Variants in PARD3B observed in about 807,000 individuals in gnomAD.
PARD3B encodes the protein partitioning defective 3 homolog B.
In PARD3B, 103 loss-of-function variants were observed where a neutral mutation model predicts 130.2. That is an observed-to-expected ratio of 0.79 (90% confidence interval 0.67 to 0.93). PARD3B has a LOEUF of 0.93. Among genes scored for constraint, PARD3B ranks in the 40% least tolerant of loss-of-function variants. The pLI is 0.00. For synonymous variants in PARD3B, 583 were observed against 553.2 expected (o/e 1.05, Z -0.76); for missense variants, 1,609 against 1,499.2 (o/e 1.07, Z -1.21).
rs115020334 is a variant in PARD3B at position 204,947,356 on chromosome 2, G to A, written c.223-17796G>A. On this transcript the variant is annotated intron_variant, in intron 2 of 22. Coordinates refer to ENST00000406610, the MANE Select transcript of PARD3B (RefSeq NM_001302769.2). ...TTTATTCATGGAGTAAGTGTAGAGT[G>A]AAAAGAACTCTACATATTCTAGTTA... Among the ~76,000 whole-genome samples, 481 of 152,258 alleles carry A rather than the reference G, an allele frequency of 3.2e-3. 5 individuals are homozygous for A. Among genetic ancestry groups the A allele is most frequent in the African/African-American group, 0.011 (449 of 41,544 alleles).
intron 2 of PARD3B, among the ~76,000 whole-genome samples, chr2:204,913,173 A>G (rs2047310094): frequency 6.6e-6 from 1 of 152,230 alleles, no homozygotes; most frequent in Admixed American, 6.5e-5. Context: ...GTGGTAGTTT[A>G]TAGACTGGTT....
intron 3 of PARD3B, among the ~76,000 whole-genome samples, chr2:204,976,829 C>G (rs186066709): frequency 6.6e-6 from 1 of 151,806 alleles, no homozygotes; most frequent in Non-Finnish European, 1.5e-5. Flanking sequence ...AGGCTGGTCT[C>G]GAACTCCTGA....
intron 12 of PARD3B, among the ~76,000 whole-genome samples, chr2:205,175,208 T>A (rs1178282430): frequency 2.0e-5 from 3 of 152,012 alleles, no homozygotes; most frequent in East Asian, 3.9e-4. Context: ...CAGAAAAAAA[T>A]TTTTTGTTCT....
At chr2:205,517,603 ATTTC>A (rs1192095304) in intron 21 of PARD3B, among the ~76,000 whole-genome samples, 5 of 151,024 alleles carry the variant, frequency 3.3e-5, no homozygotes, top group African/African-American at 1.2e-4. Context: ...GATTTTTGTT[ATTTC>A]TTATCTTCTG....
At chr2:205,050,466 A>G (rs1699115120) in intron 4 of PARD3B, among the ~76,000 whole-genome samples, 1 of 151,842 alleles carries the variant, frequency 6.6e-6, no homozygotes, top group Non-Finnish European at 1.5e-5. Flanking sequence ...GAATGTTTAG[A>G]TCTACAGTGT....
chr2:205,535,742 G>C (rs936094062), intron 21 of PARD3B, among the ~76,000 whole-genome samples: 22 of 152,150 alleles, frequency 1.4e-4, no homozygotes, highest in African/African-American at 5.1e-4. Flanking sequence ...AAGTGGCTCT[G>C]TGCTCTCTGC....
At chr2:205,185,085 T>G (rs1183524599) in intron 13 of PARD3B, among the ~76,000 whole-genome samples, 2 of 152,204 alleles carry the variant, frequency 1.3e-5, no homozygotes, top group Non-Finnish European at 2.9e-5. Flanking sequence ...TACTTGTTAG[T>G]TGTGGTGATA....
intron 2 of PARD3B, among the ~76,000 whole-genome samples, chr2:204,841,902 TAAG>T (rs2044271497): frequency 6.6e-6 from 1 of 151,384 alleles, no homozygotes; most frequent in South Asian, 2.1e-4. Context: ...TAACAAATAA[TAAG>T]AGAAAACTTT....
chr2:204,566,970 C>G (rs2031712632), intron 1 of PARD3B, among the ~76,000 whole-genome samples: 1 of 152,106 alleles, frequency 6.6e-6, no homozygotes, highest in East Asian at 1.9e-4. Context: ...CCTCCGCCTC[C>G]CAGGTTCAAG....
Position 205,575,844 on chromosome 2 carries a change from G to C in PARD3B, c.3260+22441G>C, listed in dbSNP as rs529945307. On this transcript the variant is annotated intron_variant, in intron 22 of 22. Coordinates refer to ENST00000406610, the MANE Select transcript of PARD3B (RefSeq NM_001302769.2). The surrounding 1 kb of genome is among the most constrained non-coding windows in gnomAD (Gnocchi z 4.6). ...AAGATGCTGTAAACGTGTATGGGCA[G>C]GTTTTCTTGTGGACATAAGTTTTCA... is the stretch of plus-strand genomic sequence containing the variant. Among the ~76,000 whole-genome samples, 1 of 152,140 alleles carries C rather than the reference G, an allele frequency of 6.6e-6. No individual in the cohort carries two copies. The highest frequency in any genetic ancestry group is 1.5e-5 in the Non-Finnish European group (1 of 68,022).
chr2:204,928,123 C>T (rs1259819087), intron 2 of PARD3B, among the ~76,000 whole-genome samples: 3 of 151,970 alleles, frequency 2.0e-5, no homozygotes, highest in Non-Finnish European at 2.9e-5. Flanking sequence ...TGATCTAGGC[C>T]GTGTCCTCTC....
At chr2:205,100,289 C>A (rs1316546387) in intron 4 of PARD3B, among the ~76,000 whole-genome samples, 1 of 151,978 alleles carries the variant, frequency 6.6e-6, no homozygotes, top group Admixed American at 6.6e-5. Flanking sequence ...TTCTTTGACA[C>A]TCTGAGGATA....
At chr2:205,096,902 CTGTT>C (rs1702435879) in intron 4 of PARD3B, among the ~76,000 whole-genome samples, 1 of 152,080 alleles carries the variant, frequency 6.6e-6, no homozygotes, top group South Asian at 2.1e-4. Context: ...AATAATTTCT[CTGTT>C]TGTTTCATAA....
intron 22 of PARD3B, among the ~76,000 whole-genome samples, chr2:205,556,224 G>C (rs2052878401): frequency 6.6e-6 from 1 of 152,182 alleles, no homozygotes; most frequent in South Asian, 2.1e-4. Context: ...TAGGAAGTCG[G>C]TGGCCAACCT....
intron 19 of PARD3B, among the ~76,000 whole-genome samples, chr2:205,428,977 A>G (rs1426114053): frequency 2.6e-5 from 4 of 152,192 alleles, no homozygotes; most frequent in Non-Finnish European, 5.9e-5. Context: ...AAGATACTCA[A>G]CATAAACCTG....
At chr2:205,034,181 A>G (rs1019626310) in intron 3 of PARD3B, among the ~76,000 whole-genome samples, 7 of 152,118 alleles carry the variant, frequency 4.6e-5, no homozygotes, top group Admixed American at 4.6e-4. Context: ...TAGCTTAAAC[A>G]TCTGTCTTTG....
intron 3 of PARD3B, 63 bp from the exon 4 acceptor site, chr2:205,047,518 G>T (rs949877449): frequency 1.3e-5 from 13 of 966,000 alleles, no homozygotes; most frequent in Non-Finnish European, 2.1e-5. Flanking sequence ...AAAGTGCATT[G>T]TGTCATGCAC....
rs377217923 is a variant in PARD3B at position 205,562,221 on chromosome 2, G to A, written c.3260+8818G>A. On this transcript the variant is annotated intron_variant, in intron 22 of 22. Coordinates refer to ENST00000406610, the MANE Select transcript of PARD3B (RefSeq NM_001302769.2). The surrounding 1 kb of genome is among the most constrained non-coding windows in gnomAD (Gnocchi z 5.4). ...TAATCAAACTTTTCATCATTTCCTC[G>A]TAGCCAATATATCCTTGATGCCAGT... Among the ~76,000 whole-genome samples the A allele has an allele frequency of 3.9e-5, 6 of 151,970 alleles. No homozygotes were observed. The highest frequency in any genetic ancestry group is 7.4e-5 in the Non-Finnish European group (5 of 68,014).
chr2:205,010,222 A>G (rs1695606813), intron 3 of PARD3B, among the ~76,000 whole-genome samples: 1 of 152,188 alleles, frequency 6.6e-6, no homozygotes, highest in African/African-American at 2.4e-5. Flanking sequence ...ATATTAATAC[A>G]AATGTTTAAT....
Sources: gnomAD v4.1 joint callset for allele counts (sites outside exome capture counted in the v4.1 genomes callset) on GRCh38, gnomAD v4.1.1 for gene constraint, Gnocchi (gnomAD v3.1) non-coding constraint, MANE v1.5 for transcripts, NCBI Gene and HGNC (gene_info 2026-07-23, HGNC 2026-07-21) for gene names.